Variants in ZNF7 observed in about 807,000 individuals in gnomAD.
ZNF7 encodes the protein C2-H2 type zinc finger protein.
A neutral mutation model predicts 12.0 loss-of-function variants in ZNF7; 10 were observed. The ratio of observed to expected loss-of-function variants is 0.83; its 90% confidence interval spans 0.51 to 1.42. The LOEUF (loss-of-function observed/expected upper bound fraction) is 1.42, where lower values mean the gene tolerates loss of function less well. Ranked by LOEUF, ZNF7 falls within the 40% of genes most tolerant of loss-of-function variation. The pLI is 0.00. For synonymous variants in ZNF7, 334 were observed against 295.0 expected, an observed-to-expected ratio of 1.13 and a Z score of -1.35; for missense variants, 854 against 837.2, an observed-to-expected ratio of 1.02 and a Z score of -0.25.
chr8:144,833,183 C>G (rs1428447591), intron 3 of ZNF7, among the ~76,000 whole-genome samples: 1 of 129,338 alleles, frequency 7.7e-6, no homozygotes, highest in African/African-American at 2.8e-5. Flanking sequence ...GGGCAATAAG[C>G]GAGACTTTGT....
chr8:144,829,788 C>A (rs532349497), intron 3 of ZNF7, 184 bp downstream of exon 3: 4 of 670,012 alleles, frequency 6.0e-6, no homozygotes, highest in Middle Eastern at 4.5e-4. Flanking sequence ...TGGGGTTCAG[C>A]CCCCAGGGAG....
At chr8:144,829,997 G>C (rs1201445891) in intron 3 of ZNF7, 1 of 163,292 alleles carries the variant, frequency 6.1e-6, no homozygotes, top group Admixed American at 5.9e-5. Flanking sequence ...TCATCCCCTT[G>C]CCCCTCCTGT....
chr8:144,841,622 AG>A lies in ZNF7; in HGVS notation c.517del (p.Glu173SerfsTer117), dbSNP rs1359734976. 6.2e-7 allele frequency: 1 copy of A among 1,614,244 alleles called. No individual in the cohort carries two copies. Among genetic ancestry groups the A allele is most frequent in the East Asian group, 2.2e-5 (1 of 44,892 alleles). ...TFTKDAPQGC[K>X]ELGSSGLDCQ... The stretch of plus-strand genomic sequence containing the variant: ...ACCAAGGACGCACCCCAGGGATGTA[AG>A]GAGCTGGGAAGCAGCGGCCTGGATT... On this transcript the variant is annotated frameshift_variant, in exon 5 of 5. Transcript: ENST00000532777. LOFTEE classifies it low-confidence loss of function (END_TRUNC).
chr8:144,842,154 G>A lies in ZNF7; in HGVS notation c.1047G>A (p.Leu349=). 3 of 1,613,674 alleles carry A rather than the reference G, an allele frequency of 1.9e-6. No individual in the cohort carries two copies. The highest frequency in any genetic ancestry group is 2.5e-6 in the Non-Finnish European group (3 of 1,179,850). ...CGKAFSQQSQ[L]VRHQRTHTGE... ...AAGCCTTCAGCCAGCAGTCGCAGCT[G>A]GTTAGACACCAGAGAACTCACACTG... Residue 349 remains leucine (L), a synonymous_variant, in exon 5 of 5, where the codon CTG becomes CTA. Coordinates refer to ENST00000532777, the MANE Select transcript of ZNF7 (RefSeq NM_003416.4).
chr8:144,842,740 A>C lies in ZNF7; in HGVS notation c.1633A>C (p.Arg545=). 6.2e-7 allele frequency: 1 copy of C among 1,614,096 alleles called. No homozygotes were observed. The highest frequency in any genetic ancestry group is 1.3e-5 in the African/African-American group (1 of 75,020). ...GAGCACACAGCTTACAATACATCAA[A>C]GGGTTCACACTGGAGAGAGGCCCTA... The part of the protein sequence containing the change: ...SMSTQLTIHQ[R]VHTGERPYKC... Residue 545 remains arginine, a synonymous_variant, in exon 5 of 5, where the codon AGG becomes CGG. Coordinates refer to ENST00000532777, the MANE Select transcript of ZNF7 (RefSeq NM_003416.4).
intron 4 of ZNF7, chr8:144,837,909 C>T (rs1298108830): frequency 6.6e-6 from 4 of 603,886 alleles, no homozygotes; most frequent in Admixed American, 2.7e-5. Context: ...TCCCTTCAGA[C>T]CCTCTCAGGC....
chr8:144,828,838 A>T, intron 1 of ZNF7: 2 of 627,546 alleles, frequency 3.2e-6, no homozygotes, highest in Non-Finnish European at 5.5e-6. Flanking sequence ...CACACATGCC[A>T]CACACACATA....
At chr8:144,844,724 A>AC (rs1830406487), downstream of ZNF7, among the ~76,000 whole-genome samples, 9 of 60,868 alleles carry the variant, frequency 1.5e-4, no homozygotes, top group African/African-American at 6.0e-4. Context: ...AAAAAAAAAA[A>AC]AAAAAAAAAA....
chr8:144,844,936 G>A (rs1338895892), downstream of ZNF7, among the ~76,000 whole-genome samples: 2 of 151,800 alleles, frequency 1.3e-5, no homozygotes, highest in African/African-American at 4.8e-5. Context: ...GGGAGAGGAA[G>A]TGGGGAAAAA....
chr8:144,842,916 C>G lies in ZNF7; in HGVS notation c.1809C>G (p.His603Gln). 6.2e-7 allele frequency: 1 copy of G among 1,614,192 alleles called. No homozygotes were observed. Among genetic ancestry groups the G allele is most frequent in the Non-Finnish European group, 8.5e-7 (1 of 1,180,034 alleles). Residue 603 changes from histidine to glutamine, a missense_variant, in exon 5 of 5, where the codon CAC becomes CAG. Physicochemically the swap from His to Gln is conservative, Grantham distance 24. Coordinates refer to ENST00000532777, the MANE Select transcript of ZNF7 (RefSeq NM_003416.4). ...SSYLIEHQRIHTRAQWFYEYG... is the reference protein window; with the variant it reads ...SSYLIEHQRIQTRAQWFYEYG... ...ATCTTATTGAACACCAGAGAATACACACTAGGGCCCAGTGGTTTTACGAAT... is the reference window on the plus strand; with the variant it reads ...ATCTTATTGAACACCAGAGAATACAGACTAGGGCCCAGTGGTTTTACGAAT...
chr8:144,844,631 C>A (rs2130747987), downstream of ZNF7, among the ~76,000 whole-genome samples: 1 of 147,860 alleles, frequency 6.8e-6, no homozygotes, highest in African/African-American at 2.5e-5. Flanking sequence ...ATGGTGTGAA[C>A]CTGGGAGGCA....
At chr8:144,838,420 C>T (rs931164948) in intron 4 of ZNF7, 20 of 434,824 alleles carry the variant, frequency 4.6e-5, no homozygotes, top group African/African-American at 1.2e-4. Flanking sequence ...GCTGGGCAGG[C>T]GCCCGGCCTG....
At chr8:144,830,137 G>A (rs192550190) in intron 3 of ZNF7, among the ~76,000 whole-genome samples, 12 of 152,252 alleles carry the variant, frequency 7.9e-5, no homozygotes, top group South Asian at 2.1e-4. Flanking sequence ...GGGGGGGTGC[G>A]TCTTAACTTG....
In ZNF7 at chr8:144,837,521, C is replaced by T. The variant is rs923400684; in HGVS notation, c.247+14C>T. The T allele has an allele frequency of 6.3e-7, 1 of 1,580,654 alleles. No individual in the cohort carries two copies. Among genetic ancestry groups the T allele is most frequent in the Non-Finnish European group, 8.7e-7 (1 of 1,154,166 alleles). On this transcript the variant is annotated intron_variant, in intron 4 of 4. Coordinates refer to ENST00000532777, the MANE Select transcript of ZNF7 (RefSeq NM_003416.4). ...CCTCCAAGACAGGTGAGGCTTAGAT[C>T]CCATCGCAGAGAAGCCCTGGGGTGA... is the stretch of plus-strand genomic sequence containing the variant.
At chr8:144,828,470 C>T (rs1309409634) in intron 1 of ZNF7, among the ~76,000 whole-genome samples, 1 of 152,198 alleles carries the variant, frequency 6.6e-6, no homozygotes, top group East Asian at 1.9e-4. Context: ...CAGTCGCTCA[C>T]TGCCTTCCCT....
chr8:144,845,821 T>G (rs563906112), downstream of ZNF7, among the ~76,000 whole-genome samples: 3 of 152,328 alleles, frequency 2.0e-5, no homozygotes, highest in South Asian at 4.1e-4. Flanking sequence ...AGCCATGCCC[T>G]ACTCACACCG....
chr8:144,842,482 C>A lies in ZNF7; in HGVS notation c.1375C>A (p.His459Asn). ...AFGCSSRLIR[H>N]QRTHTGEKPF... is the part of the protein sequence containing the mutation. Reference sequence around the variant, plus strand: ...TGGTTGTAGTTCACGGCTTATTCGCCATCAGAGAACTCACACTGGAGAAAA... The same window carrying A: ...TGGTTGTAGTTCACGGCTTATTCGCAATCAGAGAACTCACACTGGAGAAAA... Residue 459 changes from histidine (H) to asparagine (N), a missense_variant, in exon 5 of 5, where the codon CAT becomes AAT. By Grantham distance (68) the His-to-Asn change is moderately conservative (BLOSUM62 1). Coordinates refer to ENST00000532777, the MANE Select transcript of ZNF7 (RefSeq NM_003416.4). 6.2e-7 allele frequency: 1 copy of A among 1,614,142 alleles called. No individual in the cohort carries two copies. Among genetic ancestry groups the A allele is most frequent in the Non-Finnish European group, 8.5e-7 (1 of 1,180,034 alleles).
At position 144,842,547 on chromosome 8, in the gene ZNF7, G is replaced by A. The variant is rs142485502; in HGVS notation, c.1440G>A (p.Gln480=). 10 of 1,614,132 alleles carry A rather than the reference G, an allele frequency of 6.2e-6. No individual in the cohort carries two copies. Among genetic ancestry groups the A allele is most frequent in the Non-Finnish European group, 8.5e-6 (10 of 1,180,010 alleles). ...ATGAGTGTGGCAAAGGCTTTGTTCA[G>A]GGCTCACACCTTATTCAGCATCAGC... The part of the protein sequence containing the change: ...KCDECGKGFV[Q]GSHLIQHQRI... Residue 480 remains glutamine (Q), a synonymous_variant, in exon 5 of 5, where the codon CAG becomes CAA. Transcript: ENST00000532777.
In ZNF7 at chr8:144,843,458, G is replaced by T. The variant is rs892455495; in HGVS notation, c.*290G>T. On this transcript the variant is annotated 3_prime_UTR_variant, in exon 5 of 5. Coordinates refer to ENST00000532777, the MANE Select transcript of ZNF7 (RefSeq NM_003416.4). The stretch of plus-strand genomic sequence containing the variant: ...AAAAATTTAGCTGGGCGTGGTGGCA[G>T]GCACCTGTGGTCCCAGCTGCTCGGG... The T allele has an allele frequency of 4.1e-5, 10 of 242,118 alleles. No homozygotes were observed. The highest frequency in any genetic ancestry group is 2.6e-4 in the Admixed American group (5 of 19,158). The allele number at this position is 242,118 out of a possible 1,614,324, so 15.0% of individuals were successfully genotyped here.
Sources: gnomAD v4.1 joint callset for allele counts (sites outside exome capture counted in the v4.1 genomes callset) on GRCh38, gnomAD v4.1.1 for gene constraint, MANE v1.5 for transcripts, NCBI Gene and HGNC (gene_info 2026-07-23, HGNC 2026-07-21) for gene names.